Variants in REV3L observed in about 807,000 individuals in gnomAD.
The protein encoded by REV3L is REV3 like, DNA directed polymerase zeta catalytic subunit, also known as DNA polymerase zeta catalytic subunit.
REV3L carries 69 observed loss-of-function variants against 299.4 expected under a neutral mutation model. That is an observed-to-expected ratio of 0.23 (90% confidence interval 0.19 to 0.28). REV3L has a LOEUF of 0.28. Ranked by LOEUF, REV3L falls within the 10% of genes least tolerant of loss-of-function variation. REV3L has a pLI of 1.00. For synonymous variants in REV3L, 1,238 were observed against 1,271.4 expected (o/e 0.97, Z 0.56); for missense variants, 3,128 against 3,693.8 (o/e 0.85, Z 3.97).
chr6:111,376,859 C>T (rs1022767239), intron 12 of REV3L, 102 bp from the exon 13 acceptor site: 16 of 926,008 alleles, frequency 1.7e-5, no homozygotes, highest in Non-Finnish European at 2.5e-5. Flanking sequence ...GAAAAAATTA[C>T]ATCAAATTAA....
chr6:111,476,821 T>G (rs1290895137), intron 1 of REV3L, among the ~76,000 whole-genome samples: 2 of 152,238 alleles, frequency 1.3e-5, no homozygotes, highest in Non-Finnish European at 2.9e-5. Flanking sequence ...CATCATGCAA[T>G]CATGCATTTT....
chr6:111,361,933 CAG>C (rs1201934225), intron 16 of REV3L, among the ~76,000 whole-genome samples: 1 of 152,112 alleles, frequency 6.6e-6, no homozygotes, highest in Non-Finnish European at 1.5e-5. Context: ...GTGAGACCTC[CAG>C]AGTGATTTTA....
chr6:111,365,990 T>C (rs1002551387), intron 14 of REV3L, among the ~76,000 whole-genome samples: 13 of 152,158 alleles, frequency 8.5e-5, no homozygotes, highest in African/African-American at 2.9e-4. Flanking sequence ...TAGATCTGGG[T>C]TACTTGGGAG....
intron 1 of REV3L, among the ~76,000 whole-genome samples, chr6:111,437,042 A>T (rs1462911324): frequency 6.6e-6 from 1 of 152,234 alleles, no homozygotes; most frequent in Admixed American, 6.5e-5. Context: ...GCAAAATGCA[A>T]ATCGGAACCA....
At chr6:111,472,624 T>C (rs996039481) in intron 1 of REV3L, among the ~76,000 whole-genome samples, 12 of 151,974 alleles carry the variant, frequency 7.9e-5, no homozygotes, top group African/African-American at 2.9e-4. Flanking sequence ...TTACTACTCA[T>C]TTTTCTCAGA....
At chr6:111,457,564 T>A (rs998082243) in intron 1 of REV3L, among the ~76,000 whole-genome samples, 3 of 151,140 alleles carry the variant, frequency 2.0e-5, no homozygotes, top group Non-Finnish European at 4.4e-5. Context: ...TATAGCTTCA[T>A]CTTTTGAAAT....
chr6:111,387,352 CACAACTTTGT>C lies in REV3L; in HGVS notation c.1096+403_1096+412del, dbSNP rs536935388. Reference sequence around the variant, plus strand: ...TAAAACTGGATTGTGGAGACGTTTGCACAACTTTGTAAATCATTGAATTATACGCTTAAAA... The same window carrying C: ...TAAAACTGGATTGTGGAGACGTTTGCAAATCATTGAATTATACGCTTAAAA... On this transcript the variant is annotated intron_variant, in intron 9 of 31. Coordinates refer to ENST00000368802, the MANE Select transcript of REV3L (RefSeq NM_001372078.1). Among the ~76,000 whole-genome samples, 18 of 152,162 alleles carry C rather than the reference CACAACTTTGT, an allele frequency of 1.2e-4. No homozygotes were observed. The South Asian group carries it at 3.5e-3, about 30-fold the overall frequency.
intron 26 of REV3L, among the ~76,000 whole-genome samples, chr6:111,317,312 TA>T (rs1019444927): frequency 6.6e-6 from 1 of 152,226 alleles, no homozygotes; most frequent in African/African-American, 2.4e-5. Context: ...TCAACTCTAC[TA>T]AAAGTCTTTA....
At chr6:111,471,307 G>A (rs1039751230) in intron 1 of REV3L, among the ~76,000 whole-genome samples, 2 of 151,784 alleles carry the variant, frequency 1.3e-5, no homozygotes, top group African/African-American at 4.8e-5. Flanking sequence ...TTCAGGTCCT[G>A]ATGGACCACT....
chr6:111,353,707 C>T (rs1777801324), intron 18 of REV3L: 1 of 152,092 alleles, frequency 6.6e-6, no homozygotes, highest in Non-Finnish European at 1.5e-5. Flanking sequence ...CATGAATATC[C>T]AGAAAGGAAG....
intron 25 of REV3L, among the ~76,000 whole-genome samples, chr6:111,325,992 T>A (rs1774748651): frequency 6.7e-6 from 1 of 150,362 alleles, no homozygotes; most frequent in Admixed American, 6.6e-5. Flanking sequence ...TTATTTTTTT[T>A]AGTTTCCATA....
chr6:111,308,308 T>C (rs199989466), intron 30 of REV3L: 3 of 451,630 alleles, frequency 6.6e-6, no homozygotes, highest in Non-Finnish European at 1.3e-5. Context: ...TTCTTGCCGA[T>C]GATGAAATGA....
At chr6:111,428,682 A>C (rs925995211) in intron 1 of REV3L, among the ~76,000 whole-genome samples, 3 of 152,138 alleles carry the variant, frequency 2.0e-5, no homozygotes, top group African/African-American at 7.2e-5. Flanking sequence ...AGGAGAAAAA[A>C]GAAAAAAACC....
intron 25 of REV3L, among the ~76,000 whole-genome samples, chr6:111,328,233 CTGT>C (rs1562128253): frequency 6.6e-6 from 1 of 152,078 alleles, no homozygotes; most frequent in Non-Finnish European, 1.5e-5. Flanking sequence ...TATGGAATGA[CTGT>C]TGTTTATTCT....
intron 5 of REV3L, among the ~76,000 whole-genome samples, chr6:111,391,844 C>T (rs1371863381): frequency 6.6e-6 from 1 of 152,154 alleles, no homozygotes; most frequent in Non-Finnish European, 1.5e-5. Flanking sequence ...TAAAAACTAG[C>T]CAGGCATGGT....
intron 20 of REV3L, among the ~76,000 whole-genome samples, chr6:111,345,410 A>G (rs1440693278): frequency 1.3e-5 from 2 of 152,196 alleles, no homozygotes; most frequent in East Asian, 3.8e-4. Flanking sequence ...GAATGGCACT[A>G]TATCTACTTG....
In REV3L at chr6:111,430,240, A is replaced by C. The variant is rs564637128; in HGVS notation, c.140-13768T>G. 1.3e-4 allele frequency: 116 copies of C among 880,564 alleles called. 1 individual carries two copies. Among genetic ancestry groups the C allele is most frequent in the Middle Eastern group, 1.0e-3 (3 of 2,990 alleles). 54.5% of individuals were successfully genotyped at this position (880,564 alleles called of 1,614,324 possible). On this transcript the variant is annotated intron_variant, in intron 1 of 31. Coordinates refer to ENST00000368802, the MANE Select transcript of REV3L (RefSeq NM_001372078.1). ...GTAGAACAGATACCCCACCCCTTCAAGAAGCTTTGAATCAACTGGCGAGAC... is the reference window on the plus strand; with the variant it reads ...GTAGAACAGATACCCCACCCCTTCACGAAGCTTTGAATCAACTGGCGAGAC...
chr6:111,319,470 A>G (rs1021966055), intron 26 of REV3L, among the ~76,000 whole-genome samples: 2 of 148,628 alleles, frequency 1.3e-5, no homozygotes, highest in Non-Finnish European at 3.0e-5. Context: ...TGTCTCAGGA[A>G]AAAAAAAAAA....
chr6:111,397,566 G>A (rs1782649988), intron 4 of REV3L, among the ~76,000 whole-genome samples: 1 of 152,210 alleles, frequency 6.6e-6, no homozygotes, highest in African/African-American at 2.4e-5. Context: ...ATGCAGATGA[G>A]GAGAATGTGT....
Sources: allele counts gnomAD v4.1 joint callset (sites outside exome capture counted in the v4.1 genomes callset), GRCh38; gene constraint gnomAD v4.1.1; transcripts MANE v1.5; gene names NCBI Gene and HGNC (gene_info 2026-07-23, HGNC 2026-07-21).